The following WASF1 variants were observed in gnomAD, a reference collection of about 807,000 sequenced individuals.
WASF1 encodes the protein actin-binding protein WASF1.
Under a neutral mutation model 50.5 loss-of-function variants are expected in WASF1, and 7 were observed. The observed-to-expected ratio is 0.14, with a 90% confidence interval of 0.08 to 0.26. The LOEUF (loss-of-function observed/expected upper bound fraction) is 0.26. WASF1 is among the 10% of genes least tolerant of loss of function. WASF1 has a pLI of 1.00. For missense variants in WASF1, 470 were observed against 694.7 expected (o/e 0.68, Z 3.64); for synonymous variants, 205 against 244.0 (o/e 0.84, Z 1.49).
chr6:110,105,076 C>A (rs78984937), intron 8 of WASF1, among the ~76,000 whole-genome samples: 20 of 152,238 alleles, frequency 1.3e-4, no homozygotes, highest in African/African-American at 2.6e-4. Flanking sequence ...TTCAAAAAAA[C>A]CCCAGACCCT....
intron 2 of WASF1, among the ~76,000 whole-genome samples, chr6:110,165,184 T>C (rs989423878): frequency 1.3e-5 from 2 of 151,576 alleles, no homozygotes; most frequent in African/African-American, 4.8e-5. Flanking sequence ...TGGTATAAAA[T>C]ATTAACTTTG....
rs953505453 is a variant in WASF1 at position 110,100,376 on chromosome 6, C to T, written c.*146G>A. ...GTTTGAAATGTATGCTAATATTTTC[C>T]TTAGAAATCAAAAGTTATGGAGGAA... On this transcript the variant is annotated 3_prime_UTR_variant, in exon 11 of 11. Transcript: ENST00000392589. 4.0e-6 allele frequency: 3 copies of T among 751,618 alleles called. No homozygotes were observed. The African/African-American group carries it at 5.5e-5, about 14-fold the overall frequency. 46.6% of individuals were successfully genotyped at this position (751,618 alleles called of 1,614,324 possible).
chr6:110,145,766 G>A (rs1388234295), intron 3 of WASF1, among the ~76,000 whole-genome samples: 1 of 152,050 alleles, frequency 6.6e-6, no homozygotes. Context: ...TTAAGAAAAT[G>A]TGGCACATAT....
chr6:110,110,750 G>A (rs939491777), intron 5 of WASF1, among the ~76,000 whole-genome samples: 2 of 151,440 alleles, frequency 1.3e-5, no homozygotes, highest in African/African-American at 4.9e-5. Context: ...AAAATTGATA[G>A]TTTTTAGTTA....
chr6:110,176,784 C>A (rs1486879878), intron 2 of WASF1, among the ~76,000 whole-genome samples: 1 of 152,070 alleles, frequency 6.6e-6, no homozygotes, highest in African/African-American at 2.4e-5. Flanking sequence ...GTGACGGTGT[C>A]AGCTAAATTT....
chr6:110,177,119 T>C (rs1159202902), intron 2 of WASF1: 1 of 152,030 alleles, frequency 6.6e-6, no homozygotes, highest in Non-Finnish European at 1.5e-5. Context: ...TTTACAAACA[T>C]GAGTAATAAA....
chr6:110,141,460 C>A (rs1775231449), intron 3 of WASF1, among the ~76,000 whole-genome samples: 1 of 152,130 alleles, frequency 6.6e-6, no homozygotes, highest in Non-Finnish European at 1.5e-5. Flanking sequence ...AACTGAATCC[C>A]CCAGGCAGAT....
chr6:110,171,957 GAAATGCAAATCAA>G (rs560000971), intron 2 of WASF1, among the ~76,000 whole-genome samples: 4 of 152,158 alleles, frequency 2.6e-5, no homozygotes, highest in Non-Finnish European at 4.4e-5. Context: ...GGTCACTAAA[GAAATGCAAATCAA>G]AACCACAATG....
chr6:110,130,777 G>A (rs1490044776), intron 3 of WASF1, among the ~76,000 whole-genome samples: 1 of 152,176 alleles, frequency 6.6e-6, no homozygotes, highest in Non-Finnish European at 1.5e-5. Context: ...AGGAAATGAT[G>A]CCAAACTGTT....
At chr6:110,169,448 C>A (rs1156481144) in intron 2 of WASF1, among the ~76,000 whole-genome samples, 2 of 152,112 alleles carry the variant, frequency 1.3e-5, no homozygotes, top group Non-Finnish European at 2.9e-5. Flanking sequence ...CTGGATTCTC[C>A]ATTAACCAGT....
At chr6:110,164,921 C>G (rs145188190) in intron 2 of WASF1, among the ~76,000 whole-genome samples, 1 of 151,586 alleles carries the variant, frequency 6.6e-6, no homozygotes, top group Non-Finnish European at 1.5e-5. Context: ...ATGCATATTA[C>G]CAAGTCAAAG....
chr6:110,105,651 A>G, intron 7 of WASF1, 72 bp from the exon 8 acceptor site: 2 of 1,411,592 alleles, frequency 1.4e-6, no homozygotes, highest in Non-Finnish European at 2.0e-6. Flanking sequence ...ATAACAATCA[A>G]ATTAAACTCT....
intron 4 of WASF1, 42 bp downstream of exon 4, chr6:110,127,427 C>A: frequency 6.6e-7 from 1 of 1,504,108 alleles, no homozygotes; most frequent in Non-Finnish European, 8.9e-7. Context: ...TAAAGCATAA[C>A]ATTCTGGTTT....
intron 2 of WASF1, among the ~76,000 whole-genome samples, chr6:110,174,743 C>G (rs911899504): frequency 5.9e-5 from 9 of 152,074 alleles, no homozygotes; most frequent in African/African-American, 1.4e-4. Flanking sequence ...TCCTTTTGGA[C>G]CATGTTACAC....
intron 3 of WASF1, among the ~76,000 whole-genome samples, chr6:110,158,564 C>T (rs1293497141): frequency 7.6e-6 from 1 of 130,890 alleles, no homozygotes; most frequent in South Asian, 2.5e-4. Flanking sequence ...TGGCTCTTCC[C>T]CTAAAGTGCC....
chr6:110,166,771 C>T (rs200900322), intron 2 of WASF1, among the ~76,000 whole-genome samples: 5 of 151,878 alleles, frequency 3.3e-5, no homozygotes, highest in South Asian at 2.1e-4. Context: ...TTAACTTCTC[C>T]GTCCCTCTGT....
intron 3 of WASF1, among the ~76,000 whole-genome samples, chr6:110,142,145 G>C (rs1385629923): frequency 6.6e-6 from 1 of 152,134 alleles, no homozygotes; most frequent in Non-Finnish European, 1.5e-5. Flanking sequence ...TCATAGGCTT[G>C]CTTGTTTCAC....
chr6:110,178,559 T>G (rs187432976), intron 2 of WASF1, 39 bp downstream of exon 2: 1 of 152,536 alleles, frequency 6.6e-6, no homozygotes, highest in Admixed American at 6.5e-5. Flanking sequence ...TCTTATTACA[T>G]AGAAAAGGAA....
intron 10 of WASF1, among the ~76,000 whole-genome samples, chr6:110,101,375 T>C (rs945122997): frequency 1.3e-5 from 2 of 152,210 alleles, no homozygotes; most frequent in Non-Finnish European, 2.9e-5. Context: ...TAAGGATACC[T>C]ACAAAGCATG....
Sources: gnomAD v4.1 joint callset for allele counts (sites outside exome capture counted in the v4.1 genomes callset) on GRCh38, gnomAD v4.1.1 for gene constraint, MANE v1.5 for transcripts, NCBI Gene and HGNC (gene_info 2026-07-23, HGNC 2026-07-21) for gene names.